Variants in TEC observed in about 807,000 individuals in gnomAD.
TEC encodes tec protein tyrosine kinase.
A neutral mutation model predicts 93.0 loss-of-function variants in TEC; 72 were observed. The observed-to-expected ratio is 0.77, with a 90% CI of 0.64 to 0.94. The LOEUF is 0.94. Ranked by LOEUF, TEC falls within the 40% of genes least tolerant of loss-of-function variation. TEC has a pLI of 0.00. For missense variants in TEC, 630 were observed against 757.9 expected, an observed-to-expected ratio of 0.83 and a Z score of 1.98; for synonymous variants, 249 against 247.7, an observed-to-expected ratio of 1.01 and a Z score of -0.05.
intron 2 of TEC, among the ~76,000 whole-genome samples, chr4:48,178,347 C>G (rs1191360903): frequency 6.6e-6 from 1 of 152,176 alleles, no homozygotes; most frequent in Non-Finnish European, 1.5e-5. Flanking sequence ...CAAGAAAATG[C>G]TAAGATTTTA....
At chr4:48,171,504 G>T in intron 3 of TEC, 55 bp from the exon 4 acceptor site, 1 of 1,405,528 alleles carries the variant, frequency 7.1e-7, no homozygotes, top group Non-Finnish European at 1.0e-6. Context: ...CAGCACTTCT[G>T]TCTAGCACAG....
At chr4:48,172,494 G>A (rs997494694) in intron 3 of TEC, among the ~76,000 whole-genome samples, 1 of 151,816 alleles carries the variant, frequency 6.6e-6, no homozygotes, top group African/African-American at 2.4e-5. Flanking sequence ...GATGGCAGGG[G>A]TGGAATTACA....
chr4:48,176,229 T>TA (rs773768291), intron 2 of TEC, 43 bp from the exon 3 acceptor site: 11 of 1,456,922 alleles, frequency 7.6e-6, no homozygotes, highest in Admixed American at 5.3e-5. Flanking sequence ...TCATAAGACA[T>TA]AAAAAAATTA....
intron 1 of TEC, among the ~76,000 whole-genome samples, chr4:48,262,138 T>C (rs1577677437): frequency 6.6e-6 from 1 of 151,490 alleles, no homozygotes; most frequent in South Asian, 2.1e-4. Flanking sequence ...TGTGAAAGTC[T>C]AATCAAGAAT....
intron 9 of TEC, among the ~76,000 whole-genome samples, chr4:48,152,506 C>T (rs1314584956): frequency 2.0e-5 from 3 of 151,796 alleles, no homozygotes; most frequent in African/African-American, 4.8e-5. Flanking sequence ...ACTTATTTAT[C>T]GAAAATTTAT....
chr4:48,160,737 A>AAAAAAAAG (rs1553885872), intron 8 of TEC, among the ~76,000 whole-genome samples: 7 of 131,346 alleles, frequency 5.3e-5, no homozygotes, highest in South Asian at 2.8e-4. Flanking sequence ...CAGAAAAAAA[A>AAAAAAAAG]AAAGAAAGAA....
chr4:48,155,752 T>G (rs1252258050), intron 9 of TEC: 2 of 152,350 alleles, frequency 1.3e-5, no homozygotes, highest in Middle Eastern at 3.4e-3. Flanking sequence ...GAGTAGCTGC[T>G]GGATTCTACA....
intron 11 of TEC, among the ~76,000 whole-genome samples, chr4:48,147,483 AT>A (rs1468818912): frequency 1.3e-5 from 2 of 152,182 alleles, no homozygotes; most frequent in Non-Finnish European, 2.9e-5. Flanking sequence ...ATAAACATTA[AT>A]GGCAATTTAC....
intron 9 of TEC, among the ~76,000 whole-genome samples, chr4:48,153,729 G>A (rs566576514): frequency 9.2e-4 from 140 of 152,248 alleles, no homozygotes; most frequent in Non-Finnish European, 1.7e-3. Context: ...GTCTAACTGC[G>A]GGACACAGTG....
chr4:48,247,243 T>C (rs1352905376), intron 1 of TEC, among the ~76,000 whole-genome samples: 1 of 152,154 alleles, frequency 6.6e-6, no homozygotes, highest in Non-Finnish European at 1.5e-5. Flanking sequence ...ACTGAACAAG[T>C]ATTAGCAAGA....
intron 9 of TEC, among the ~76,000 whole-genome samples, chr4:48,153,187 A>G (rs1459641441): frequency 6.6e-6 from 1 of 152,136 alleles, no homozygotes; most frequent in Admixed American, 6.5e-5. Context: ...TGTAATATCA[A>G]TGTAAATTAT....
chr4:48,214,715 G>A (rs1184346111), intron 2 of TEC, among the ~76,000 whole-genome samples: 1 of 133,438 alleles, frequency 7.5e-6, no homozygotes, highest in Non-Finnish European at 1.7e-5. Flanking sequence ...ATAGCCAGGC[G>A]TGGTGGTATG....
chr4:48,146,158 T>C (rs530883797), intron 12 of TEC, among the ~76,000 whole-genome samples, 167 bp downstream of exon 12: 1 of 152,348 alleles, frequency 6.6e-6, no homozygotes, highest in South Asian at 2.1e-4. Flanking sequence ...TGATGAAAAT[T>C]GAATACCTAG....
intron 2 of TEC, among the ~76,000 whole-genome samples, chr4:48,186,073 G>C (rs1721826251): frequency 6.6e-6 from 1 of 152,214 alleles, no homozygotes; most frequent in African/African-American, 2.4e-5. Context: ...TGGCCGGGCT[G>C]GTCTCCAGCT....
In TEC at chr4:48,228,654, A is replaced by G; in HGVS notation, c.-40T>C. ...TACTCCTCCTGCCACTGAAGATCCC[A>G]GTATTCTACAGTGAAAAAAGAAACA... On this transcript the variant is annotated 5_prime_UTR_variant, in exon 2 of 18. Transcript: ENST00000381501. The G allele has an allele frequency of 6.4e-7, 1 of 1,573,812 alleles. No homozygotes were observed. The highest frequency in any genetic ancestry group is 8.6e-7 in the Non-Finnish European group (1 of 1,165,814).
chr4:48,156,655 C>A, intron 9 of TEC, 25 bp downstream of exon 9: 1 of 1,595,408 alleles, frequency 6.3e-7, no homozygotes, highest in South Asian at 1.2e-5. Context: ...GCCCTTAAGC[C>A]AAACCCACAA....
intron 9 of TEC, among the ~76,000 whole-genome samples, chr4:48,152,326 T>C (rs1028822588): frequency 6.6e-6 from 1 of 151,940 alleles, no homozygotes; most frequent in Non-Finnish European, 1.5e-5. Flanking sequence ...TAATCTCAGC[T>C]ACTCAGGAGG....
intron 11 of TEC, among the ~76,000 whole-genome samples, chr4:48,146,642 A>G (rs1383421715): frequency 1.3e-5 from 2 of 152,220 alleles, no homozygotes; most frequent in African/African-American, 2.4e-5. Context: ...AGGATGTTAA[A>G]AGGTTTCTAA....
chr4:48,228,479 C>G lies in TEC; in HGVS notation c.136G>C (p.Glu46Gln). 1.3e-6 allele frequency: 2 copies of G among 1,599,162 alleles called. No individual in the cohort carries two copies. The highest frequency in any genetic ancestry group is 1.7e-6 in the Non-Finnish European group (2 of 1,176,054). Residue 46 changes from glutamate (E) to glutamine (Q), a missense_variant and splice_region_variant, in exon 2 of 18, where the codon GAG becomes CAG. Glu to Gln is a conservative substitution (Grantham distance 29, BLOSUM62 2). This residue lies in a region of TEC where 335 missense variants were observed against 351.5 expected (regional missense o/e 0.95). Transcript: ENST00000381501. Reference sequence around the variant, plus strand: ...AGTAAATCGTGATTGTCTCTTACCTCTGCTCGACCCTCATAGTAGGTTAGC... The same window carrying G: ...AGTAAATCGTGATTGTCTCTTACCTGTGCTCGACCCTCATAGTAGGTTAGC... The part of the protein sequence containing the change: ...SMLTYYEGRA[E>Q]KKYRKGFIDV...
Sources: gnomAD v4.1 joint callset for allele counts (sites outside exome capture counted in the v4.1 genomes callset) on GRCh38, gnomAD v4.1.1 for gene constraint, gnomAD v4.1.1 regional missense constraint, MANE v1.5 for transcripts, NCBI Gene and HGNC (gene_info 2026-07-23, HGNC 2026-07-21) for gene names.